MAP4K5: variants seen among roughly 807,000 people sequenced by gnomAD.
MAP4K5 encodes the protein mitogen-activated protein kinase kinase kinase kinase 5, also known as MAPK/ERK kinase kinase kinase 5.
In MAP4K5, 82 loss-of-function variants were observed where a neutral mutation model predicts 135.6. The observed-to-expected ratio is 0.60, with a 90% CI of 0.51 to 0.73. MAP4K5 has a LOEUF of 0.73. Among genes scored for constraint, MAP4K5 ranks in the 30% least tolerant of loss-of-function variants. The pLI is 0.00. For synonymous variants in MAP4K5, 347 were observed against 335.0 expected (o/e 1.04, Z -0.39); for missense variants, 907 against 1,010.9 (o/e 0.90, Z 1.39).
chr14:50,485,623 A>G lies in MAP4K5; in HGVS notation c.277T>C (p.Cys93Arg), dbSNP rs2037346941. The G allele has an allele frequency of 5.8e-6, 9 of 1,550,072 alleles. No individual in the cohort carries two copies. Among genetic ancestry groups the G allele is most frequent in the Admixed American group, 1.9e-5 (1 of 51,752 alleles). ...GATCCGCCACCACAGTATTCCATACAAATCCATAGTTTTTCCCGACTAATA... is the reference window on the plus strand; with the variant it reads ...GATCCGCCACCACAGTATTCCATACGAATCCATAGTTTTTCCCGACTAATA... ...SYLSREKLWI[C>R]MEYCGGGSLQ... is the part of the protein sequence containing the mutation. The change falls in exon 5 of 33, where the codon TGT (cysteine) becomes CGT (arginine). Residue 93 changes from cysteine (C) to arginine (R), a missense_variant. Coordinates refer to ENST00000682126, the MANE Select transcript of MAP4K5 (RefSeq NM_006575.6).
rs1269945837 is a variant in MAP4K5, at chr14:50,444,033, T to C, written c.1343A>G (p.Asn448Ser). 1 of 1,592,898 alleles carries C rather than the reference T, an allele frequency of 6.3e-7. No homozygotes were observed. Among genetic ancestry groups the C allele is most frequent in the Non-Finnish European group, 8.6e-7 (1 of 1,166,578 alleles). The stretch of plus-strand genomic sequence containing the variant: ...CATCAGTTTTGAAATACCATCACCA[T>C]TTCCTAAAGAGAATCATGTTAAAAG... ...GPVAETSSIG[N>S]GDGISKLMSE... Residue 448 changes from asparagine to serine, a missense_variant, in exon 19 of 33, where the codon AAT (asparagine) becomes AGT (serine). This residue lies in a region of MAP4K5 where 690 missense variants were observed against 777.4 expected (regional missense o/e 0.89). Coordinates refer to ENST00000682126, the MANE Select transcript of MAP4K5 (RefSeq NM_006575.6).
intron 6 of MAP4K5, among the ~76,000 whole-genome samples, chr14:50,477,923 C>T (rs752437357): frequency 2.6e-5 from 4 of 152,062 alleles, no homozygotes; most frequent in Non-Finnish European, 5.9e-5. Flanking sequence ...GTTTTGTTCT[C>T]TTGTAAGATT....
intron 14 of MAP4K5, chr14:50,450,624 T>G (rs932518323): frequency 5.3e-5 from 8 of 152,170 alleles, no homozygotes; most frequent in African/African-American, 1.7e-4. Flanking sequence ...TTTTCTTAAG[T>G]CTTTGGCTGA....
rs537430100 is a variant in MAP4K5, at chr14:50,547,966, A to G, written c.-179-5382T>C. On this transcript the variant is annotated intron_variant, in intron 1 of 8. Transcript: ENST00000555216. ...TATCTAGACTCTCTTTGCCTGCCTC[A>G]GTCTCTGTGTTTCACTGTATTAATG... 3.3e-5 allele frequency among the ~76,000 whole-genome samples: 5 copies of G among 152,240 alleles called. No homozygotes were observed. In the South Asian group the frequency reaches 6.2e-4, roughly 19 times the overall value.
chr14:50,501,645 T>C (rs558120061), intron 3 of MAP4K5, among the ~76,000 whole-genome samples: 3 of 152,232 alleles, frequency 2.0e-5, no homozygotes, highest in African/African-American at 7.2e-5. Context: ...ATTTGTTGTA[T>C]GCCACATAAA....
chr14:50,551,301 T>C (rs1454501882), intron 1 of MAP4K5, among the ~76,000 whole-genome samples: 1 of 151,912 alleles, frequency 6.6e-6, no homozygotes, highest in Admixed American at 6.6e-5. Flanking sequence ...TTCCTGGAAA[T>C]GTACAACCCT....
chr14:50,498,699 C>T (rs1207193478), intron 3 of MAP4K5, among the ~76,000 whole-genome samples: 1 of 152,108 alleles, frequency 6.6e-6, no homozygotes, highest in Non-Finnish European at 1.5e-5. Context: ...CTATTTTTCA[C>T]CATGGAGAAA....
At chr14:50,509,958 A>C (rs1209060794) in intron 2 of MAP4K5, among the ~76,000 whole-genome samples, 4 of 152,232 alleles carry the variant, frequency 2.6e-5, no homozygotes, top group Admixed American at 2.0e-4. Context: ...AAGTACACTC[A>C]CAAATTGTGA....
At chr14:50,490,735 G>A (rs940938063) in intron 3 of MAP4K5, among the ~76,000 whole-genome samples, 1 of 152,160 alleles carries the variant, frequency 6.6e-6, no homozygotes, top group Admixed American at 6.5e-5. Flanking sequence ...TTGAGGGGCT[G>A]GTCTTTGCTC....
At chr14:50,455,340 T>C (rs28673688) in intron 14 of MAP4K5, among the ~76,000 whole-genome samples, 14 of 151,926 alleles carry the variant, frequency 9.2e-5, no homozygotes, top group African/African-American at 3.1e-4. Flanking sequence ...CGAGAAAAGA[T>C]AGATAAAATA....
In MAP4K5 at chr14:50,519,004, G is replaced by C. The variant is rs372128526; in HGVS notation, c.108+12938C>G. On this transcript the variant is annotated intron_variant, in intron 2 of 32. Transcript: ENST00000682126. ...GAAATTTATTTAAAGAAATAATTAA[G>C]ATTGTGTGAAAAAAATCTGTTCAAG... is the stretch of plus-strand genomic sequence containing the variant. 1.6e-4 allele frequency among the ~76,000 whole-genome samples: 25 copies of C among 151,990 alleles called. No individual in the cohort carries two copies. In the East Asian group the frequency reaches 4.6e-3, roughly 28 times the overall value.
At chr14:50,560,436 G>C (rs1191061915) in intron 1 of MAP4K5, 1 of 1,192,502 alleles carries the variant, frequency 8.4e-7, no homozygotes, top group Admixed American at 2.0e-5. Flanking sequence ...TAGCCGAGCC[G>C]CTCCCTGTTT....
At chr14:50,451,670 T>A (rs1212505025) in intron 14 of MAP4K5, among the ~76,000 whole-genome samples, 1 of 152,142 alleles carries the variant, frequency 6.6e-6, no homozygotes, top group Non-Finnish European at 1.5e-5. Context: ...ACAGGTTTTT[T>A]TTTTCAAAAA....
At chr14:50,443,079 G>A (rs1268315498) in intron 20 of MAP4K5, among the ~76,000 whole-genome samples, 1 of 151,922 alleles carries the variant, frequency 6.6e-6, no homozygotes, top group African/African-American at 2.4e-5. Context: ...ACATAGTCTA[G>A]GAATTTTAAG....
intron 6 of MAP4K5, 38 bp downstream of exon 6, chr14:50,482,323 A>G: frequency 1.6e-6 from 2 of 1,254,854 alleles, no homozygotes; most frequent in Non-Finnish European, 2.2e-6. Context: ...AATATTGCCT[A>G]GAATTGCCTT....
chr14:50,424,849 C>A (rs961408224), intron 31 of MAP4K5, among the ~76,000 whole-genome samples: 6 of 151,668 alleles, frequency 4.0e-5, no homozygotes, highest in African/African-American at 1.5e-4. Context: ...GAATAATTAA[C>A]CATATGATAA....
chr14:50,463,733 A>T (rs955593022), intron 12 of MAP4K5, among the ~76,000 whole-genome samples: 1 of 151,552 alleles, frequency 6.6e-6, no homozygotes, highest in Non-Finnish European at 1.5e-5. Context: ...AAAATACAAA[A>T]ATTAGCCAGG....
chr14:50,446,498 C>T (rs1459906038), intron 16 of MAP4K5, among the ~76,000 whole-genome samples: 1 of 152,190 alleles, frequency 6.6e-6, no homozygotes, highest in Non-Finnish European at 1.5e-5. Flanking sequence ...GATCCTCAAA[C>T]CAGCAGAATT....
chr14:50,493,545 T>C (rs567765055), intron 3 of MAP4K5, among the ~76,000 whole-genome samples: 2 of 152,204 alleles, frequency 1.3e-5, no homozygotes, highest in Admixed American at 6.5e-5. Flanking sequence ...CGATCATATG[T>C]ATAGAAAATC....
Sources: allele counts gnomAD v4.1 joint callset (sites outside exome capture counted in the v4.1 genomes callset), GRCh38; gene constraint gnomAD v4.1.1; regional missense constraint gnomAD v4.1.1; transcripts MANE v1.5; gene names NCBI Gene and HGNC (gene_info 2026-07-23, HGNC 2026-07-21).